The following SUMO2 variants were observed in gnomAD, a reference collection of about 807,000 sequenced individuals.
SUMO2 encodes the protein small ubiquitin like modifier 2, also known as small ubiquitin-related modifier 2.
SUMO2 carries 1 observed loss-of-function variant against 16.0 expected under a neutral mutation model. That is an observed-to-expected ratio of 0.06 (90% CI 0.02 to 0.30). SUMO2 has a LOEUF of 0.30. Ranked by LOEUF, SUMO2 falls within the 10% of genes least tolerant of loss-of-function variation. The pLI is 1.00. For synonymous variants in SUMO2, 36 were observed against 40.6 expected, an observed-to-expected ratio of 0.89 and a Z score of 0.43; for missense variants, 16 against 117.5, an observed-to-expected ratio of 0.14 and a Z score of 3.99.
At chr17:75,181,360 T>C (rs867065804) in intron 1 of SUMO2, among the ~76,000 whole-genome samples, 172 bp from the exon 2 acceptor site, 1 of 152,122 alleles carries the variant, frequency 6.6e-6, no homozygotes, top group Non-Finnish European at 1.5e-5. Context: ...GGAAAAATCC[T>C]GCAGTAACAG....
Position 75,167,313 on chromosome 17 carries a change from G to C in SUMO2, c.*1026C>G, listed in dbSNP as rs1162376390. The C allele has an allele frequency of 6.6e-6, 1 of 151,860 alleles. No homozygotes were observed. Among genetic ancestry groups the C allele is most frequent in the Non-Finnish European group, 1.5e-5 (1 of 67,996 alleles). The allele number at this position is 151,860 out of a possible 1,614,324, so 9.4% of individuals were successfully genotyped here. On this transcript the variant is annotated 3_prime_UTR_variant, in exon 4 of 4. Transcript: ENST00000420826. ...TCTCAAAAAAAAAATCCTTGAATAA[G>C]GAACGAAAACTTTATTTTAGGTTAG...
intron 1 of SUMO2, 132 bp from the exon 2 acceptor site, chr17:75,181,320 G>A (rs1217931560): frequency 3.4e-6 from 3 of 879,438 alleles, no homozygotes; most frequent in Non-Finnish European, 5.2e-6. Context: ...GCATACTGCT[G>A]TTTTCAGCTG....
rs59613076 is a variant in SUMO2 at position 75,177,988 on chromosome 17, C to CAAAAAAAAAAAAAAAAAA, written c.153+3051_153+3068dup. Among the ~76,000 whole-genome samples the CAAAAAAAAAAAAAAAAAA allele has an allele frequency of 3.0e-5, 2 of 66,400 alleles. 1 individual carries two copies. The highest frequency in any genetic ancestry group is 1.4e-4 in the African/African-American group (2 of 14,778). The allele number at this position is 66,400 out of a possible 152,430, so 43.6% of individuals were successfully genotyped here. ...TGACCGACAAAGCGAGACTCCGTCTCAAAAAAAAAAAAAAAAAAAAAAAGA... is the reference window on the plus strand; with the variant it reads ...TGACCGACAAAGCGAGACTCCGTCTCAAAAAAAAAAAAAAAAAAAAAAAAAAAAAAAAAAAAAAAAAGA... On this transcript the variant is annotated intron_variant, in intron 2 of 3. Transcript: ENST00000420826.
rs58684188 is a variant in SUMO2 at position 75,180,392 on chromosome 17, TAAAAAAAAAAAAAA to T, written c.153+651_153+664del. ...AAGAAATAGAGTGAGACTCCCAGCT[TAAAAAAAAAAAAAA>T]AAAAAAAAAAAAAAACGACTTCTTG... On this transcript the variant is annotated intron_variant, in intron 2 of 3. Transcript: ENST00000420826. Among the ~76,000 whole-genome samples the T allele has an allele frequency of 1.1e-4, 5 of 44,874 alleles. No individual in the cohort carries two copies. In the Admixed American group the frequency reaches 1.2e-3, roughly 11 times the overall value. The allele number at this position is 44,874 out of a possible 152,430, so 29.4% of individuals were successfully genotyped here.
chr17:75,169,153 G>A (rs1598220559), intron 3 of SUMO2, among the ~76,000 whole-genome samples: 1 of 151,668 alleles, frequency 6.6e-6, no homozygotes, highest in East Asian at 1.9e-4. Context: ...GATCAATTGA[G>A]CCCATAAGAT....
intron 3 of SUMO2, among the ~76,000 whole-genome samples, chr17:75,169,866 T>TGGGGG (rs1193243883): frequency 1.6e-5 from 1 of 64,406 alleles, no homozygotes; most frequent in African/African-American, 6.1e-5. Flanking sequence ...AAAAAAAAGG[T>TGGGGG]GGGGGGGGGC....
chr17:75,179,866 G>T (rs13343264), intron 2 of SUMO2, among the ~76,000 whole-genome samples: 7,155 of 151,994 alleles, frequency 0.047, 579 homozygotes, highest in African/African-American at 0.16. Context: ...TTGCCATGGT[G>T]GCCAGGCTGA....
chr17:75,181,812 A>G (rs190503569), intron 1 of SUMO2, among the ~76,000 whole-genome samples: 1 of 152,320 alleles, frequency 6.6e-6, no homozygotes, highest in African/African-American at 2.4e-5. Flanking sequence ...TTTTCGGTTA[A>G]GAGCACTTAT....
chr17:75,178,209 G>A (rs1022227936), intron 2 of SUMO2, among the ~76,000 whole-genome samples: 2 of 150,778 alleles, frequency 1.3e-5, no homozygotes, highest in African/African-American at 4.9e-5. Context: ...AGTTAAATAA[G>A]ATATGCATAA....
intron 3 of SUMO2, 38 bp downstream of exon 3, chr17:75,174,714 C>CA (rs1295165137): frequency 6.3e-7 from 1 of 1,576,420 alleles, no homozygotes; most frequent in Non-Finnish European, 8.7e-7. Context: ...CAAAGAATTA[C>CA]AAATGGTAAT....
At chr17:75,170,220 A>G (rs1028394764) in intron 3 of SUMO2, among the ~76,000 whole-genome samples, 6 of 152,194 alleles carry the variant, frequency 3.9e-5, no homozygotes, top group Non-Finnish European at 8.8e-5. Flanking sequence ...CAGAAGGGTG[A>G]TATGTTTAAA....
At chr17:75,180,584 A>G (rs1160148043) in intron 2 of SUMO2, among the ~76,000 whole-genome samples, 1 of 151,504 alleles carries the variant, frequency 6.6e-6, no homozygotes, top group Non-Finnish European at 1.5e-5. Flanking sequence ...CAGGCCTGGT[A>G]GTGGGCACCT....
chr17:75,180,039 T>G (rs1360570513), intron 2 of SUMO2, among the ~76,000 whole-genome samples: 1 of 152,116 alleles, frequency 6.6e-6, no homozygotes, highest in Non-Finnish European at 1.5e-5. Flanking sequence ...ATTTTGAGCC[T>G]ATTTAGAACA....
At chr17:75,178,145 C>T (rs1476961473) in intron 2 of SUMO2, among the ~76,000 whole-genome samples, 1 of 150,664 alleles carries the variant, frequency 6.6e-6, no homozygotes, top group East Asian at 1.9e-4. Flanking sequence ...GCATGGGCAA[C>T]AGGGCAAAAG....
chr17:75,173,946 G>A (rs767182435), intron 3 of SUMO2, among the ~76,000 whole-genome samples: 2 of 152,206 alleles, frequency 1.3e-5, no homozygotes, highest in East Asian at 1.9e-4. Flanking sequence ...AGAGCATCAC[G>A]TTTTGTAGTA....
At chr17:75,179,396 C>T (rs765897797) in intron 2 of SUMO2, among the ~76,000 whole-genome samples, 5 of 151,882 alleles carry the variant, frequency 3.3e-5, no homozygotes, top group Non-Finnish European at 5.9e-5. Context: ...GGCGTGGTGG[C>T]GTGCGCCCGT....
chr17:75,182,021 G>T (rs2074832895), intron 1 of SUMO2, among the ~76,000 whole-genome samples: 1 of 152,066 alleles, frequency 6.6e-6, no homozygotes, highest in African/African-American at 2.4e-5. Context: ...CGTGTGCCCC[G>T]ATGATGGGTG....
chr17:75,170,059 C>T (rs2145216202), intron 3 of SUMO2, among the ~76,000 whole-genome samples: 2 of 152,030 alleles, frequency 1.3e-5, no homozygotes, highest in South Asian at 4.2e-4. Context: ...CGCCTGTAAT[C>T]CCAGCTACTT....
rs980100728 is a variant in SUMO2, at chr17:75,165,621, T to C, written c.*2718A>G. 2 of 152,200 alleles carry C rather than the reference T, an allele frequency of 1.3e-5. No homozygotes were observed. The highest frequency in any genetic ancestry group is 2.4e-5 in the African/African-American group (1 of 41,448). The allele number at this position is 152,200 out of a possible 1,614,324, so 9.4% of individuals were successfully genotyped here. On this transcript the variant is annotated 3_prime_UTR_variant, in exon 4 of 4. Coordinates refer to ENST00000420826, the MANE Select transcript of SUMO2 (RefSeq NM_006937.4). Reference sequence around the variant, plus strand: ...GTAGATTATATTGGTAGGTTGACAATCAGTATGGACAAAAACAATCAACAA... The same window carrying C: ...GTAGATTATATTGGTAGGTTGACAACCAGTATGGACAAAAACAATCAACAA...
Sources: allele counts gnomAD v4.1 joint callset (sites outside exome capture counted in the v4.1 genomes callset), GRCh38; gene constraint gnomAD v4.1.1; transcripts MANE v1.5; gene names NCBI Gene and HGNC (gene_info 2026-07-23, HGNC 2026-07-21).